GABARAPL2: variants seen among roughly 807,000 people sequenced by gnomAD.
GABARAPL2 encodes gamma-aminobutyric acid receptor-associated protein-like 2.
A neutral mutation model predicts 16.9 loss-of-function variants in GABARAPL2; 11 were observed. The observed-to-expected ratio is 0.65, with a 90% CI of 0.41 to 1.08. The LOEUF is 1.08. Among genes scored for constraint, GABARAPL2 ranks in the 50% least tolerant of loss-of-function variants. The probability of loss-of-function intolerance (pLI) is 0.00; values close to 1 mark genes in which losing one functional copy is unlikely to be tolerated. For missense variants in GABARAPL2, 134 were observed against 142.5 expected (o/e 0.94, Z 0.30); for synonymous variants, 57 against 50.7 (o/e 1.12, Z -0.53).
chr16:75,571,106 G>T (rs1167670153), intron 3 of GABARAPL2, among the ~76,000 whole-genome samples: 1 of 152,132 alleles, frequency 6.6e-6, no homozygotes, highest in Non-Finnish European at 1.5e-5. Context: ...TTGAGACAAG[G>T]TCTTGCTCTG....
rs912550556 is a variant in GABARAPL2 at position 75,577,520 on chromosome 16, C to T, written c.*151C>T. 10 of 584,034 alleles carry T rather than the reference C, an allele frequency of 1.7e-5. No homozygotes were observed. The highest frequency in any genetic ancestry group is 3.7e-5 in the African/African-American group (2 of 53,606). 36.2% of individuals were successfully genotyped at this position (584,034 alleles called of 1,614,324 possible). A position where few individuals can be genotyped will look rare whatever the true frequency, so the allele number is the denominator to read the frequency against. Reference sequence around the variant, plus strand: ...CTTAATATATTGGAAGGTTTTGTTTCCTTAGACTAGTAAATTATCATACAG... The same window carrying T: ...CTTAATATATTGGAAGGTTTTGTTTTCTTAGACTAGTAAATTATCATACAG... On this transcript the variant is annotated 3_prime_UTR_variant, in exon 4 of 4. Coordinates refer to ENST00000037243, the MANE Select transcript of GABARAPL2 (RefSeq NM_007285.7).
Position 75,577,508 on chromosome 16 carries a change from A to T in GABARAPL2, c.*139A>T. ...CTGGATTTATTTCTTAATATATTGG[A>T]AGGTTTTGTTTCCTTAGACTAGTAA... On this transcript the variant is annotated 3_prime_UTR_variant, in exon 4 of 4. Coordinates refer to ENST00000037243, the MANE Select transcript of GABARAPL2 (RefSeq NM_007285.7). 1 of 611,754 alleles carries T rather than the reference A, an allele frequency of 1.6e-6. No individual in the cohort carries two copies. Among genetic ancestry groups the T allele is most frequent in the Admixed American group, 2.9e-5 (1 of 34,362 alleles). 37.9% of individuals were successfully genotyped at this position (611,754 alleles called of 1,614,324 possible).
At chr16:75,575,612 G>C (rs1444028760) in intron 3 of GABARAPL2, 1 of 152,284 alleles carries the variant, frequency 6.6e-6, no homozygotes, top group Non-Finnish European at 1.5e-5. Context: ...ACCACGCCCA[G>C]CTAATTTTTT....
At chr16:75,570,853 C>A (rs1043126389) in intron 3 of GABARAPL2, among the ~76,000 whole-genome samples, 1 of 152,160 alleles carries the variant, frequency 6.6e-6, no homozygotes, top group East Asian at 1.9e-4. Flanking sequence ...GTGCCAGCAT[C>A]AAGAATCAGG....
chr16:75,566,390 TCGCTGCCGCTGC>T lies in GABARAPL2; in HGVS notation c.-87_-76del, dbSNP rs928334431. On this transcript the variant is annotated 5_prime_UTR_variant, in exon 1 of 4. Coordinates refer to ENST00000037243, the MANE Select transcript of GABARAPL2 (RefSeq NM_007285.7). ...CCCGCCTGCCGTGTAGTCGCCGCCG[TCGCTGCCGCTGC>T]CGCTGCCGCCGTCGTTGTTGTTGTG... 6.6e-5 allele frequency: 61 copies of T among 920,032 alleles called. No individual in the cohort carries two copies. The highest frequency in any genetic ancestry group is 8.7e-5 in the Non-Finnish European group (51 of 583,796). 57.0% of individuals were successfully genotyped at this position (920,032 alleles called of 1,614,324 possible). A position where few individuals can be genotyped will look rare whatever the true frequency, so the allele number is the denominator to read the frequency against.
At chr16:75,566,541 C>T (rs748062530) in intron 1 of GABARAPL2, 21 bp downstream of exon 1, 2 of 1,607,146 alleles carry the variant, frequency 1.2e-6, no homozygotes, top group Admixed American at 3.3e-5. Context: ...GGTCGTCGGC[C>T]CGGCTGCTGG....
Position 75,573,192 on chromosome 16 carries a change from C to G in GABARAPL2, c.264-4087C>G, listed in dbSNP as rs1202536630. 4.6e-5 allele frequency among the ~76,000 whole-genome samples: 7 copies of G among 152,372 alleles called. No individual in the cohort carries two copies. The South Asian group carries it at 1.0e-3, about 23-fold the overall frequency. ...CACACCAGCCTTCTGCTAATAGACT[C>G]TCTGCTAGCAAGGGTCACATTTTGT... On this transcript the variant is annotated intron_variant, in intron 3 of 3. Transcript: ENST00000037243.
intron 2 of GABARAPL2, among the ~76,000 whole-genome samples, chr16:75,567,133 G>A (rs2080888994): frequency 6.6e-6 from 1 of 152,360 alleles, no homozygotes; most frequent in Non-Finnish European, 1.5e-5. Flanking sequence ...CCAGCGAGCC[G>A]TCTGCAGCCT....
chr16:75,566,984 A>G (rs1597056986), intron 2 of GABARAPL2, 77 bp downstream of exon 2: 3 of 1,233,390 alleles, frequency 2.4e-6, no homozygotes, highest in Admixed American at 3.4e-5. Context: ...AGGCCATTCA[A>G]CAGTTGACAA....
At chr16:75,569,118 T>C (rs188690021) in intron 3 of GABARAPL2, among the ~76,000 whole-genome samples, 2 of 152,330 alleles carry the variant, frequency 1.3e-5, no homozygotes, top group African/African-American at 4.8e-5. Flanking sequence ...GTTGTCCAAA[T>C]AGGTTCCTGT....
chr16:75,576,951 T>C lies in GABARAPL2; in HGVS notation c.264-328T>C, dbSNP rs530788776. ...CTAGGGTCCTTTACCCACACAGAGG[T>C]GAGCCTTTCAGGTTCTTCATTTTGC... On this transcript the variant is annotated intron_variant, in intron 3 of 3. Transcript: ENST00000037243. 5.5e-5 allele frequency: 13 copies of C among 235,640 alleles called. No individual in the cohort carries two copies. The South Asian group carries it at 8.0e-4, about 15-fold the overall frequency. 14.6% of individuals were successfully genotyped at this position (235,640 alleles called of 1,614,324 possible).
At chr16:75,566,799 G>A in intron 1 of GABARAPL2, 53 bp from the exon 2 acceptor site, 2 of 1,543,078 alleles carry the variant, frequency 1.3e-6, no homozygotes, top group Non-Finnish European at 1.8e-6. Flanking sequence ...CCGGGGGCCG[G>A]GAACCGACCG....
chr16:75,572,096 A>T (rs895079096), intron 3 of GABARAPL2: 6 of 151,906 alleles, frequency 3.9e-5, no homozygotes, highest in African/African-American at 1.5e-4. Flanking sequence ...TGGGAGGAGG[A>T]GGTTGTGGTG....
intron 3 of GABARAPL2, among the ~76,000 whole-genome samples, chr16:75,570,681 T>C (rs1230354096): frequency 6.6e-6 from 1 of 152,244 alleles, no homozygotes; most frequent in Non-Finnish European, 1.5e-5. Flanking sequence ...GTCATGATTT[T>C]TATTTAGAGT....
intron 3 of GABARAPL2, chr16:75,572,807 G>A (rs527768327): frequency 4.7e-4 from 72 of 152,398 alleles, no homozygotes; most frequent in Admixed American, 4.3e-3. Context: ...TCAGAGCTTG[G>A]AAGGTGGCAG....
chr16:75,569,558 C>T (rs1381449031), intron 3 of GABARAPL2, among the ~76,000 whole-genome samples: 2 of 152,220 alleles, frequency 1.3e-5, no homozygotes, highest in East Asian at 3.8e-4. Flanking sequence ...GCAACTTCTA[C>T]AGAGCCTTGG....
chr16:75,572,304 AC>A (rs1345445460), intron 3 of GABARAPL2: 1 of 152,146 alleles, frequency 6.6e-6, no homozygotes, highest in African/African-American at 2.4e-5. Flanking sequence ...ACCTCCCACC[AC>A]CCATCCTGCC....
At position 75,566,884 on chromosome 16, in the gene GABARAPL2, G is replaced by A. The variant is rs781137565; in HGVS notation, c.67G>A (p.Ala23Thr). ...HRCVESAKIR[A>T]KYPDRVPVIV... ...ATGCGTGGAGTCCGCGAAGATTCGA[G>A]CGAAATATCCCGACAGGGTTCCGGT... The change falls in exon 2 of 4, where the codon GCG (alanine) becomes ACG (threonine). Residue 23 changes from alanine (A) to threonine (T), a missense_variant. Coordinates refer to ENST00000037243, the MANE Select transcript of GABARAPL2 (RefSeq NM_007285.7). The A allele has an allele frequency of 1.2e-6, 2 of 1,613,584 alleles. No individual in the cohort carries two copies. The highest frequency in any genetic ancestry group is 1.1e-5 in the South Asian group (1 of 91,090).
intron 3 of GABARAPL2, 109 bp downstream of exon 3, chr16:75,568,318 AT>A (rs1407296569): frequency 3.7e-5 from 26 of 698,586 alleles, no homozygotes; most frequent in Non-Finnish European, 5.6e-5. Context: ...CTGACTAGAA[AT>A]CTGGATTTTA....
Sources: gnomAD v4.1 joint callset for allele counts (sites outside exome capture counted in the v4.1 genomes callset) on GRCh38, gnomAD v4.1.1 for gene constraint, MANE v1.5 for transcripts, NCBI Gene and HGNC (gene_info 2026-07-23, HGNC 2026-07-21) for gene names.